Variants in RALGAPB observed in about 807,000 individuals in gnomAD.
The protein encoded by RALGAPB is Ral GTPase activating protein non-catalytic subunit beta.
A neutral mutation model predicts 161.1 loss-of-function variants in RALGAPB; 25 were observed. That is an observed-to-expected ratio of 0.16 (90% CI 0.11 to 0.22). The LOEUF is 0.22. Ranked by LOEUF, RALGAPB falls within the 10% of genes least tolerant of loss-of-function variation. The probability of loss-of-function intolerance (pLI) is 1.00; values close to 1 mark genes in which losing one functional copy is unlikely to be tolerated. For synonymous variants in RALGAPB, 629 were observed against 626.1 expected (o/e 1.00, Z -0.07); for missense variants, 1,391 against 1,815.2 (o/e 0.77, Z 4.25).
chr20:38,500,132 T>A (rs55751192), intron 5 of RALGAPB: 1 of 152,152 alleles, frequency 6.6e-6, no homozygotes, highest in Non-Finnish European at 1.5e-5. Context: ...ATAAGTACAC[T>A]CTTAGGTTCA....
At chr20:38,509,466 T>C (rs907281966) in intron 6 of RALGAPB, among the ~76,000 whole-genome samples, 2 of 152,228 alleles carry the variant, frequency 1.3e-5, no homozygotes, top group African/African-American at 4.8e-5. Flanking sequence ...GCACTTGTTC[T>C]CTTGCCTGTT....
intron 1 of RALGAPB, among the ~76,000 whole-genome samples, chr20:38,483,253 G>A (rs1471574101): frequency 2.0e-5 from 3 of 152,146 alleles, no homozygotes; most frequent in African/African-American, 7.2e-5. Context: ...AGTAACTTTT[G>A]CAACGTTACC....
intron 19 of RALGAPB, chr20:38,547,409 C>T (rs1387734924): frequency 1.3e-5 from 2 of 152,168 alleles, no homozygotes; most frequent in Non-Finnish European, 2.9e-5. Context: ...AAAACTCAGG[C>T]TCACAGAGGG....
At chr20:38,501,248 TA>T (rs1015412643) in intron 5 of RALGAPB, among the ~76,000 whole-genome samples, 5 of 152,206 alleles carry the variant, frequency 3.3e-5, no homozygotes, top group African/African-American at 1.2e-4. Context: ...CCATTTGGAA[TA>T]TCCTAGGGCC....
At chr20:38,571,282 T>C (rs2088229102) in intron 28 of RALGAPB, among the ~76,000 whole-genome samples, 1 of 152,194 alleles carries the variant, frequency 6.6e-6, no homozygotes, top group Admixed American at 6.5e-5. Context: ...CAATACTGTA[T>C]TATTAGCTGT....
chr20:38,488,880 G>T (rs895695927), intron 2 of RALGAPB, among the ~76,000 whole-genome samples: 1 of 152,118 alleles, frequency 6.6e-6, no homozygotes, highest in Non-Finnish European at 1.5e-5. Flanking sequence ...ACTAGTTATG[G>T]TCAATTCTCC....
At chr20:38,539,673 G>A in intron 16 of RALGAPB, 103 bp from the exon 17 acceptor site, 1 of 1,037,422 alleles carries the variant, frequency 9.6e-7, no homozygotes, top group Non-Finnish European at 1.4e-6. Flanking sequence ...GCTTCCTGTA[G>A]TGTATGACAT....
Position 38,472,987 on chromosome 20 carries a change from G to A in RALGAPB, c.-113G>A, listed in dbSNP as rs2084693616. The A allele has an allele frequency of 2.5e-6, 1 of 397,904 alleles. No homozygotes were observed. Among genetic ancestry groups the A allele is most frequent in the Non-Finnish European group, 4.4e-6 (1 of 225,424 alleles). 24.6% of individuals were successfully genotyped at this position (397,904 alleles called of 1,614,324 possible). Reference sequence around the variant, plus strand: ...GGGCGGTGAAAGCGCCAGCCCTATGGCGCGGGTCGCGTGAGGCGGAAGGCC... The same window carrying A: ...GGGCGGTGAAAGCGCCAGCCCTATGACGCGGGTCGCGTGAGGCGGAAGGCC... On this transcript the variant is annotated 5_prime_UTR_variant, in exon 1 of 30. Transcript: ENST00000262879.
intron 14 of RALGAPB, among the ~76,000 whole-genome samples, chr20:38,532,352 T>A (rs1315569300): frequency 6.6e-6 from 1 of 152,216 alleles, no homozygotes; most frequent in East Asian, 1.9e-4. Context: ...CCAGCGCGCC[T>A]GGCCTTATTC....
chr20:38,514,469 T>C (rs1032274897), intron 6 of RALGAPB, among the ~76,000 whole-genome samples: 6 of 152,234 alleles, frequency 3.9e-5, no homozygotes, highest in African/African-American at 1.4e-4. Context: ...TAATTAGGTC[T>C]CTGGCAGGCA....
At chr20:38,524,311 T>C (rs1293836630) in intron 10 of RALGAPB, among the ~76,000 whole-genome samples, 1 of 152,216 alleles carries the variant, frequency 6.6e-6, no homozygotes, top group Non-Finnish European at 1.5e-5. Context: ...CACACCTTTT[T>C]CCCTAGGAAT....
At chr20:38,539,419 G>T (rs2091857108) in intron 16 of RALGAPB, among the ~76,000 whole-genome samples, 1 of 152,198 alleles carries the variant, frequency 6.6e-6, no homozygotes, top group Admixed American at 6.5e-5. Context: ...CAGCTGCACA[G>T]AACTTTCTGC....
At chr20:38,574,364 A>G in intron 29 of RALGAPB, 66 bp downstream of exon 29, 1 of 1,480,016 alleles carries the variant, frequency 6.8e-7, no homozygotes, top group Non-Finnish European at 9.1e-7. Context: ...ATAAACCAAA[A>G]AGAAGTAAAA....
chr20:38,507,139 T>C (rs2123009247), intron 5 of RALGAPB, among the ~76,000 whole-genome samples: 1 of 152,298 alleles, frequency 6.6e-6, no homozygotes, highest in East Asian at 1.9e-4. Flanking sequence ...AGCCAACCCA[T>C]GTTAACATTT....
intron 13 of RALGAPB, among the ~76,000 whole-genome samples, chr20:38,529,401 T>TTGGGAGG (rs2086577754): frequency 6.6e-6 from 1 of 151,394 alleles, no homozygotes; most frequent in Non-Finnish European, 1.5e-5. Flanking sequence ...GCCTGTAGTC[T>TTGGGAGG]CAGCTACTTG....
In RALGAPB at chr20:38,548,748, G is replaced by A. The variant is rs923452645; in HGVS notation, c.2962G>A (p.Ala988Thr). 1.2e-6 allele frequency: 2 copies of A among 1,613,992 alleles called. No homozygotes were observed. The highest frequency in any genetic ancestry group is 1.7e-6 in the Non-Finnish European group (2 of 1,179,898). The change falls in exon 20 of 30, where the codon GCA becomes ACA. Residue 988 changes from alanine to threonine, a missense_variant. Physicochemically the swap from Ala to Thr is moderately conservative, Grantham distance 58. Around this residue, in one of 3 missense-constraint regions of RALGAPB, gnomAD observed 946 missense variants for 1,257.2 expected, o/e 0.75. Coordinates refer to ENST00000262879, the MANE Select transcript of RALGAPB (RefSeq NM_020336.4). ...GGGAATGTCTGGAAGACTTGCTTGG[G>A]CACAACAGCTTTGTCTTTTACCCAG... The part of the protein sequence containing the change: ...VRGMSGRLAW[A>T]QQLCLLPRGA...
intron 18 of RALGAPB, among the ~76,000 whole-genome samples, chr20:38,543,042 A>T (rs1220292206): frequency 6.6e-6 from 1 of 152,100 alleles, no homozygotes; most frequent in Admixed American, 6.5e-5. Flanking sequence ...TGAGGATTGG[A>T]TATGTGCTCA....
At chr20:38,534,872 TC>T (rs1364839888) in intron 15 of RALGAPB, among the ~76,000 whole-genome samples, 3 of 152,228 alleles carry the variant, frequency 2.0e-5, no homozygotes, top group Non-Finnish European at 4.4e-5. Context: ...TAGAAGCTGC[TC>T]TGGTCTAGCA....
At chr20:38,478,336 T>C (rs543109554) in intron 1 of RALGAPB, among the ~76,000 whole-genome samples, 3 of 152,340 alleles carry the variant, frequency 2.0e-5, no homozygotes, top group South Asian at 2.1e-4. Context: ...AGGGTTGTTA[T>C]TGGAATAAAA....
Sources: allele counts gnomAD v4.1 joint callset (sites outside exome capture counted in the v4.1 genomes callset), GRCh38; gene constraint gnomAD v4.1.1; regional missense constraint gnomAD v4.1.1; transcripts MANE v1.5; gene names NCBI Gene and HGNC (gene_info 2026-07-23, HGNC 2026-07-21).